EEA1: variants seen among roughly 807,000 people sequenced by gnomAD.
The protein encoded by EEA1 is early endosome antigen 1, also known as early endosome antigen 1, 162kD.
A neutral mutation model predicts 209.2 loss-of-function variants in EEA1; 111 were observed. The ratio of observed to expected loss-of-function variants is 0.53; its 90% CI spans 0.45 to 0.62. The LOEUF is 0.62. Ranked by LOEUF, EEA1 falls within the 20% of genes least tolerant of loss-of-function variation. The pLI, the probability that EEA1 is intolerant of heterozygous loss-of-function variation, is 0.00. For missense variants in EEA1, 1,343 were observed against 1,530.8 expected (o/e 0.88, Z 2.05); for synonymous variants, 536 against 540.6 (o/e 0.99, Z 0.12).
chr12:92,876,043 A>G (rs190875504), intron 2 of EEA1, among the ~76,000 whole-genome samples: 170 of 152,096 alleles, frequency 1.1e-3, no homozygotes, highest in Non-Finnish European at 2.1e-3. Flanking sequence ...ATTTTTTTCA[A>G]TAACACCAAC....
intron 1 of EEA1, among the ~76,000 whole-genome samples, chr12:92,926,925 T>G (rs1215777918): frequency 2.0e-5 from 3 of 152,166 alleles, no homozygotes; most frequent in East Asian, 3.9e-4. Flanking sequence ...TTTTAAATGT[T>G]CACCTCCCAA....
At chr12:92,838,036 G>A (rs1010146545) in intron 10 of EEA1, among the ~76,000 whole-genome samples, 10 of 152,158 alleles carry the variant, frequency 6.6e-5, no homozygotes, top group Non-Finnish European at 2.9e-5. Context: ...CCCAAACAGA[G>A]AAACCCTTTG....
intron 1 of EEA1, among the ~76,000 whole-genome samples, chr12:92,923,616 CT>C (rs1469264384): frequency 6.6e-6 from 1 of 152,124 alleles, no homozygotes; most frequent in African/African-American, 2.4e-5. Flanking sequence ...ACCACACCCC[CT>C]CTCCACCACA....
rs1485384512 is a variant in EEA1 at position 92,851,227 on chromosome 12, T to C, written c.682A>G (p.Lys228Glu). Residue 228 changes from lysine (K) to glutamate (E), a missense_variant, in exon 9 of 29, where the codon AAA becomes GAA. Around this residue, in one of 3 missense-constraint regions of EEA1, gnomAD observed 1,307 missense variants for 1,465.5 expected, o/e 0.89. Transcript: ENST00000322349. Reference sequence around the variant, plus strand: ...AGTGTTTGAACTTGGACCAGTTCTTTCTTTAGCACGGCAACATCTTCTATA... The same window carrying C: ...AGTGTTTGAACTTGGACCAGTTCTTCCTTTAGCACGGCAACATCTTCTATA... ...PGIEDVAVLK[K>E]ELVQVQTLMD... 1 of 1,613,804 alleles carries C rather than the reference T, an allele frequency of 6.2e-7. No homozygotes were observed.
At position 92,773,939 on chromosome 12, in the gene EEA1, G is replaced by T. The variant is rs535603582; in HGVS notation, c.*2072C>A. On this transcript the variant is annotated 3_prime_UTR_variant, in exon 29 of 29. Transcript: ENST00000322349. ...TTACTTGTTGTCTTAAAATTTTTTT[G>T]TGAGTATTTTGGGGGTAAAGGGGAG... 1.6e-4 allele frequency: 22 copies of T among 139,112 alleles called. No individual in the cohort carries two copies. Among genetic ancestry groups the T allele is most frequent in the African/African-American group, 5.8e-4 (22 of 37,856 alleles). 8.6% of individuals were successfully genotyped at this position (139,112 alleles called of 1,614,324 possible).
At chr12:92,818,526 T>C (rs1450536740) in intron 14 of EEA1, among the ~76,000 whole-genome samples, 1 of 152,206 alleles carries the variant, frequency 6.6e-6, no homozygotes, top group Admixed American at 6.5e-5. Context: ...TTCCTGACCA[T>C]ATTTATATGA....
chr12:92,795,317 C>G (rs1406794607), intron 21 of EEA1, among the ~76,000 whole-genome samples: 2 of 152,226 alleles, frequency 1.3e-5, no homozygotes, highest in African/African-American at 4.8e-5. Context: ...GATCACCCAA[C>G]CTTCAGTAGA....
intron 18 of EEA1, among the ~76,000 whole-genome samples, chr12:92,807,191 TG>T (rs1416365817): frequency 6.6e-6 from 1 of 152,122 alleles, no homozygotes; most frequent in Non-Finnish European, 1.5e-5. Context: ...TGACTTCAGA[TG>T]ATCTGCCTGC....
Position 92,770,996 on chromosome 12 carries a change from G to GGTGTGTGTGTGTGT in EEA1, c.*5001_*5014dup, listed in dbSNP as rs57839500. On this transcript the variant is annotated 3_prime_UTR_variant, in exon 29 of 29. Transcript: ENST00000322349. ...ATAAAAATACTTTCTGGTTTTGATT[G>GGTGTGTGTGTGTGT]GTGTGTGTGTGTGTGTGTGTGTGTG... 2.7e-4 allele frequency: 40 copies of GGTGTGTGTGTGTGT among 150,264 alleles called. No homozygotes were observed. Among genetic ancestry groups the GGTGTGTGTGTGTGT allele is most frequent in the South Asian group, 6.3e-4 (3 of 4,748 alleles). 9.3% of individuals were successfully genotyped at this position (150,264 alleles called of 1,614,324 possible). A position where few individuals can be genotyped will look rare whatever the true frequency, so the allele number is the denominator to read the frequency against.
At chr12:92,904,188 T>C (rs560208456) in intron 1 of EEA1, among the ~76,000 whole-genome samples, 233 of 152,238 alleles carry the variant, frequency 1.5e-3, no homozygotes, top group African/African-American at 5.5e-3. Flanking sequence ...CTTGAACTCC[T>C]GACCTCAGGT....
At chr12:92,894,602 C>G (rs898368183) in intron 1 of EEA1, among the ~76,000 whole-genome samples, 1 of 152,144 alleles carries the variant, frequency 6.6e-6, no homozygotes, top group Admixed American at 6.5e-5. Context: ...TCCCTTAAAC[C>G]AAAGCCTAAT....
rs543016668 is a variant in EEA1 at position 92,778,221 on chromosome 12, T to C, written c.3655-42A>G. The C allele has an allele frequency of 4.1e-5, 60 of 1,478,012 alleles. 1 individual carries two copies. In the South Asian group the frequency reaches 6.3e-4, roughly 15 times the overall value. The allele number at this position is 1,478,012 out of a possible 1,614,324, so 91.6% of individuals were successfully genotyped here. A position where few individuals can be genotyped will look rare whatever the true frequency, so the allele number is the denominator to read the frequency against. ...GTTGGGGGGAAATCTATTACAAAAG[T>C]AGTGCAAAATAAATGTAAGTGATTT... On this transcript the variant is annotated intron_variant, in intron 25 of 28. Transcript: ENST00000322349.
At chr12:92,817,219 C>T (rs1184752255) in intron 14 of EEA1, among the ~76,000 whole-genome samples, 7 of 146,136 alleles carry the variant, frequency 4.8e-5, no homozygotes, top group Non-Finnish European at 8.8e-5. Flanking sequence ...TCCCTCTGTA[C>T]TTCATTGTGA....
At chr12:92,863,534 T>A (rs373944303) in intron 3 of EEA1, among the ~76,000 whole-genome samples, 15 of 152,346 alleles carry the variant, frequency 9.8e-5, no homozygotes, top group East Asian at 9.6e-4. Context: ...CAGCCATGAA[T>A]GTGAGGCCAT....
chr12:92,792,550 G>A (rs1175321644), intron 21 of EEA1, among the ~76,000 whole-genome samples: 1 of 151,966 alleles, frequency 6.6e-6, no homozygotes, highest in Non-Finnish European at 1.5e-5. Flanking sequence ...ATAAATTCCT[G>A]GACAGATACA....
At chr12:92,888,541 C>T (rs1879510796) in intron 2 of EEA1, among the ~76,000 whole-genome samples, 1 of 150,704 alleles carries the variant, frequency 6.6e-6, no homozygotes, top group Non-Finnish European at 1.5e-5. Flanking sequence ...CGCGCCACTG[C>T]ACTTCAGCCT....
At position 92,778,015 on chromosome 12, in the gene EEA1, G is replaced by A. The variant is rs1239215466; in HGVS notation, c.3819C>T (p.Asp1273=). 2 of 1,613,366 alleles carry A rather than the reference G, an allele frequency of 1.2e-6. No homozygotes were observed. The highest frequency in any genetic ancestry group is 1.7e-6 in the Non-Finnish European group (2 of 1,179,562). ...CTAATACTGCAATTTCACCCCGTAA[G>A]TCATCCGTTTGTTTCTCAAGCTCAC... is the stretch of plus-strand genomic sequence containing the variant. The part of the protein sequence containing the change: ...RVSELEKQTD[D]LRGEIAVLEA... The change falls in exon 26 of 29, where the codon GAC becomes GAT. Residue 1273 remains aspartate (D), a synonymous_variant. Transcript: ENST00000322349.
intron 1 of EEA1, among the ~76,000 whole-genome samples, chr12:92,899,017 C>A (rs1394911618): frequency 6.7e-6 from 1 of 149,758 alleles, no homozygotes; most frequent in Non-Finnish European, 1.5e-5. Flanking sequence ...TGTATCCTGT[C>A]CAAGAATAGT....
chr12:92,779,786 C>CT (rs1012273165), intron 24 of EEA1, among the ~76,000 whole-genome samples: 1 of 151,954 alleles, frequency 6.6e-6, no homozygotes, highest in African/African-American at 2.4e-5. Flanking sequence ...AGAATCTAAC[C>CT]TTTTTTTAAG....
Sources: gnomAD v4.1 joint callset for allele counts (sites outside exome capture counted in the v4.1 genomes callset) on GRCh38, gnomAD v4.1.1 for gene constraint, gnomAD v4.1.1 regional missense constraint, MANE v1.5 for transcripts, NCBI Gene and HGNC (gene_info 2026-07-23, HGNC 2026-07-21) for gene names.